The following PARD3 variants were observed in gnomAD, a reference collection of about 807,000 sequenced individuals.
PARD3 encodes partitioning defective 3 homolog.
PARD3 carries 75 observed loss-of-function variants against 155.4 expected under a neutral mutation model. The observed-to-expected ratio is 0.48, with a 90% CI of 0.40 to 0.58. PARD3 has a LOEUF of 0.58. Ranked by LOEUF, PARD3 falls within the 20% of genes least tolerant of loss-of-function variation. The pLI, the probability that PARD3 is intolerant of heterozygous loss-of-function variation, is 0.00. For missense variants in PARD3, 1,642 were observed against 1,721.7 expected, an observed-to-expected ratio of 0.95 and a Z score of 0.82; for synonymous variants, 576 against 610.5, an observed-to-expected ratio of 0.94 and a Z score of 0.83.
In PARD3 at chr10:34,696,408, G is replaced by A. The variant is rs971180810; in HGVS notation, c.132C>T (p.Tyr44=). Reference sequence around the variant, plus strand: ...GTTCCAAGCGATGCACCTGTATCCAGTAGTTTGGATCCTATACGAAAGAAC... The same window carrying A: ...GTTCCAAGCGATGCACCTGTATCCAATAGTTTGGATCCTATACGAAAGAAC... ...YRKAIAKDPN[Y]WIQVHRLEHG... is the part of the protein sequence containing the mutation. Residue 44 remains tyrosine, a synonymous_variant, in exon 2 of 25, where the codon TAC becomes TAT. Transcript: ENST00000374788. 2.5e-6 allele frequency: 4 copies of A among 1,600,328 alleles called. No individual in the cohort carries two copies. Among genetic ancestry groups the A allele is most frequent in the African/African-American group, 2.7e-5 (2 of 74,612 alleles).
At chr10:34,729,255 G>A (rs957045441) in intron 1 of PARD3, among the ~76,000 whole-genome samples, 4 of 152,208 alleles carry the variant, frequency 2.6e-5, no homozygotes, top group African/African-American at 9.7e-5. Flanking sequence ...TATTGGCCAG[G>A]CGTGGAGGCT....
At chr10:34,143,320 C>G (rs768300168) in intron 22 of PARD3, among the ~76,000 whole-genome samples, 3 of 152,024 alleles carry the variant, frequency 2.0e-5, no homozygotes, top group Admixed American at 1.3e-4. Flanking sequence ...AAAACAACAA[C>G]AACAACAACA....
chr10:34,339,875 T>C (rs1836614261), intron 16 of PARD3, among the ~76,000 whole-genome samples: 1 of 152,192 alleles, frequency 6.6e-6, no homozygotes, highest in Admixed American at 6.5e-5. Context: ...TTTAACAAGT[T>C]AGATGGCAGG....
chr10:34,343,155 A>G (rs1837015702), intron 15 of PARD3: 2 of 223,012 alleles, frequency 9.0e-6, no homozygotes, highest in Non-Finnish European at 1.5e-5. Context: ...TTTTTCCTTC[A>G]AAGTATATAG....
At chr10:34,366,587 C>T (rs537775652) in intron 12 of PARD3, among the ~76,000 whole-genome samples, 14 of 152,018 alleles carry the variant, frequency 9.2e-5, no homozygotes, top group African/African-American at 2.9e-4. Context: ...CATAGCGTCA[C>T]GCAGAATAGA....
At chr10:34,217,878 G>C (rs997577618) in intron 22 of PARD3, among the ~76,000 whole-genome samples, 6 of 152,120 alleles carry the variant, frequency 3.9e-5, no homozygotes, top group Non-Finnish European at 8.8e-5. Flanking sequence ...ACATAAATAA[G>C]TAATGTAGTT....
At chr10:34,698,934 C>T (rs1403752580) in intron 1 of PARD3, among the ~76,000 whole-genome samples, 1 of 152,122 alleles carries the variant, frequency 6.6e-6, no homozygotes, top group African/African-American at 2.4e-5. Flanking sequence ...TCCCATAACC[C>T]CATTCCAATC....
intron 20 of PARD3, among the ~76,000 whole-genome samples, chr10:34,284,498 AAAAC>A (rs1473719131): frequency 2.6e-5 from 4 of 152,194 alleles, no homozygotes; most frequent in African/African-American, 4.8e-5. Flanking sequence ...TAGCAAAACA[AAAAC>A]AAACAACAAG....
chr10:34,647,275 T>C (rs1425403564), intron 2 of PARD3, among the ~76,000 whole-genome samples: 46 of 152,196 alleles, frequency 3.0e-4, no homozygotes, highest in Admixed American at 2.9e-3. Context: ...GGGCTTTGTC[T>C]CCATTCACTA....
intron 1 of PARD3, among the ~76,000 whole-genome samples, chr10:34,811,317 C>T (rs1844144120): frequency 6.6e-6 from 1 of 152,168 alleles, no homozygotes; most frequent in Non-Finnish European, 1.5e-5. Context: ...ATGCCTGAAT[C>T]GCCTTTGTCC....
chr10:34,162,089 G>A (rs1202207507), intron 22 of PARD3, among the ~76,000 whole-genome samples: 2 of 151,958 alleles, frequency 1.3e-5, no homozygotes, highest in Admixed American at 1.3e-4. Context: ...GATAGGGAAG[G>A]GTCCCTGAAG....
intron 2 of PARD3, among the ~76,000 whole-genome samples, chr10:34,688,801 T>C (rs1057352169): frequency 4.6e-5 from 7 of 152,192 alleles, no homozygotes; most frequent in Admixed American, 4.6e-4. Flanking sequence ...ATTTAGTACT[T>C]GACTTTAATT....
At chr10:34,636,039 G>A (rs978877412) in intron 2 of PARD3, among the ~76,000 whole-genome samples, 5 of 150,660 alleles carry the variant, frequency 3.3e-5, no homozygotes, top group Admixed American at 3.3e-4. Flanking sequence ...AGAAGAAGAA[G>A]AAAGAAAGAA....
intron 22 of PARD3, among the ~76,000 whole-genome samples, chr10:34,146,037 C>T (rs1208590820): frequency 6.6e-6 from 1 of 152,124 alleles, no homozygotes; most frequent in African/African-American, 2.4e-5. Flanking sequence ...GGTGCATAAG[C>T]TTGATTCTTG....
At chr10:34,746,995 C>T (rs368064791) in intron 1 of PARD3, among the ~76,000 whole-genome samples, 1 of 152,110 alleles carries the variant, frequency 6.6e-6, no homozygotes. Flanking sequence ...GATTAGAAGG[C>T]AGAGAAAGCA....
At chr10:34,344,440 A>T (rs148292441) in intron 15 of PARD3, 3 of 521,418 alleles carry the variant, frequency 5.8e-6, no homozygotes, top group Non-Finnish European at 7.4e-6. Flanking sequence ...GCAACACAAC[A>T]TCCGGCTAAT....
chr10:34,634,224 C>G (rs1342827381), intron 2 of PARD3, among the ~76,000 whole-genome samples: 1 of 152,172 alleles, frequency 6.6e-6, no homozygotes, highest in Non-Finnish European at 1.5e-5. Flanking sequence ...GAGAAATTAT[C>G]CCCTAATTAC....
chr10:34,589,425 A>G (rs1436194233), intron 2 of PARD3, among the ~76,000 whole-genome samples: 2 of 152,120 alleles, frequency 1.3e-5, no homozygotes, highest in South Asian at 2.1e-4. Context: ...CTAATCCAAT[A>G]TGACTGGCAT....
intron 1 of PARD3, among the ~76,000 whole-genome samples, chr10:34,758,845 G>A (rs1410218819): frequency 6.6e-6 from 1 of 152,188 alleles, no homozygotes; most frequent in Non-Finnish European, 1.5e-5. Context: ...AGGTTTAACA[G>A]CACAGGAAAT....
Sources: gnomAD v4.1 joint callset for allele counts (sites outside exome capture counted in the v4.1 genomes callset) on GRCh38, gnomAD v4.1.1 for gene constraint, MANE v1.5 for transcripts, NCBI Gene and HGNC (gene_info 2026-07-23, HGNC 2026-07-21) for gene names.